The following UBE2Q2 variants were observed in gnomAD, a reference collection of about 807,000 sequenced individuals.
UBE2Q2 encodes ubiquitin-conjugating enzyme E2 Q2.
UBE2Q2 carries 54 observed loss-of-function variants against 59.9 expected under a neutral mutation model. The ratio of observed to expected loss-of-function variants is 0.90; its 90% CI spans 0.72 to 1.13. UBE2Q2 has a LOEUF of 1.13. UBE2Q2 is among the 50% of genes most tolerant of loss of function. The pLI is 0.00. For synonymous variants in UBE2Q2, 165 were observed against 155.2 expected, an observed-to-expected ratio of 1.06 and a Z score of -0.47; for missense variants, 433 against 441.9, an observed-to-expected ratio of 0.98 and a Z score of 0.18.
At position 75,873,515 on chromosome 15, in the gene UBE2Q2, A is replaced by T; in HGVS notation, c.535A>T (p.Asn179Tyr). 6.2e-7 allele frequency: 1 copy of T among 1,613,994 alleles called. No homozygotes were observed. The highest frequency in any genetic ancestry group is 8.5e-7 in the Non-Finnish European group (1 of 1,179,938). The change falls in exon 5 of 13, where the codon AAT becomes TAT. Residue 179 changes from asparagine (N) to tyrosine (Y), a missense_variant. Coordinates refer to ENST00000267938, the MANE Select transcript of UBE2Q2 (RefSeq NM_173469.4). Reference protein sequence around the residue: ...KSEDEGIEKENLAILEKIRKT... With the variant: ...KSEDEGIEKEYLAILEKIRKT... ...AGAGGATGAAGGAATTGAAAAAGAAAATTTGGCAATATTAGAGAAAATTAG... is the reference window on the plus strand; with the variant it reads ...AGAGGATGAAGGAATTGAAAAAGAATATTTGGCAATATTAGAGAAAATTAG...
At chr15:75,892,805 GACCGAGGCTGC>G (rs1359600369) in intron 11 of UBE2Q2, among the ~76,000 whole-genome samples, 1 of 152,214 alleles carries the variant, frequency 6.6e-6, no homozygotes, top group Non-Finnish European at 1.5e-5. Flanking sequence ...GAGCCCAGGA[GACCGAGGCTGC>G]ACTGAGGCAT....
intron 9 of UBE2Q2, 52 bp downstream of exon 9, chr15:75,883,476 T>TATACATATACACACACACACGTA: frequency 6.7e-7 from 1 of 1,493,494 alleles, no homozygotes; most frequent in Non-Finnish European, 9.2e-7. Flanking sequence ...AAAAAAAATT[T>TATACATATACACACACACACGTA]TTTTTTATAG....
At chr15:75,860,270 C>T (rs1244428346) in intron 3 of UBE2Q2, among the ~76,000 whole-genome samples, 2 of 152,016 alleles carry the variant, frequency 1.3e-5, no homozygotes, top group African/African-American at 4.8e-5. Context: ...CATAGTTTGT[C>T]TTTGGTTATT....
At chr15:75,887,134 A>C (rs1186788567) in intron 9 of UBE2Q2, among the ~76,000 whole-genome samples, 1 of 152,210 alleles carries the variant, frequency 6.6e-6, no homozygotes, top group African/African-American at 2.4e-5. Flanking sequence ...ACCTACTCAA[A>C]TAAATCTTCT....
intron 11 of UBE2Q2, chr15:75,895,185 C>CAA: frequency 6.9e-6 from 1 of 144,854 alleles, no homozygotes; most frequent in East Asian, 2.1e-4. Context: ...GACTCCGTCT[C>CAA]AAAAAAAAAA....
chr15:75,895,905 AC>A, intron 11 of UBE2Q2, among the ~76,000 whole-genome samples: 1 of 152,220 alleles, frequency 6.6e-6, no homozygotes, highest in East Asian at 1.9e-4. Context: ...CAGCAGATAT[AC>A]GTACAAGGTT....
In UBE2Q2 at chr15:75,890,493, C is replaced by G. The variant is rs1251617254; in HGVS notation, c.933+10C>G. 1 of 1,607,162 alleles carries G rather than the reference C, an allele frequency of 6.2e-7. No homozygotes were observed. Among genetic ancestry groups the G allele is most frequent in the African/African-American group, 1.3e-5 (1 of 74,624 alleles). On this transcript the variant is annotated intron_variant, in intron 10 of 12. Coordinates refer to ENST00000267938, the MANE Select transcript of UBE2Q2 (RefSeq NM_173469.4). ...ACTTCTCACAAAACAGGTGACTTTT[C>G]TTACGATACTCCATTTTCACCCACA...
intron 2 of UBE2Q2, among the ~76,000 whole-genome samples, chr15:75,857,269 T>C (rs1896966908): frequency 1.3e-5 from 2 of 152,172 alleles, no homozygotes; most frequent in African/African-American, 4.8e-5. Context: ...TACCTCCTTT[T>C]AGGAAGTTGC....
At chr15:75,871,652 G>A (rs1897801264) in intron 4 of UBE2Q2, among the ~76,000 whole-genome samples, 1 of 152,232 alleles carries the variant, frequency 6.6e-6, no homozygotes, top group African/African-American at 2.4e-5. Flanking sequence ...TTAACCCTGA[G>A]TTTGACACAG....
At chr15:75,877,723 A>T (rs1898164872) in intron 6 of UBE2Q2, among the ~76,000 whole-genome samples, 1 of 152,232 alleles carries the variant, frequency 6.6e-6, no homozygotes, top group African/African-American at 2.4e-5. Context: ...CAGTCAGACT[A>T]AACGGTAAGC....
At chr15:75,887,120 T>G (rs750799242) in intron 9 of UBE2Q2, among the ~76,000 whole-genome samples, 9 of 152,192 alleles carry the variant, frequency 5.9e-5, no homozygotes, top group Non-Finnish European at 7.3e-5. Context: ...TAAGTCAGCT[T>G]GTGACCTACT....
intron 11 of UBE2Q2, among the ~76,000 whole-genome samples, chr15:75,895,815 G>A (rs887336248): frequency 6.6e-6 from 1 of 152,044 alleles, no homozygotes; most frequent in Admixed American, 6.6e-5. Context: ...TATGTAGAGG[G>A]CAATTTAGCA....
intron 3 of UBE2Q2, among the ~76,000 whole-genome samples, chr15:75,864,579 C>T (rs1897360409): frequency 6.7e-6 from 1 of 148,322 alleles, no homozygotes; most frequent in Admixed American, 6.8e-5. Flanking sequence ...AGATTTTCCA[C>T]TTCTTCAGTT....
At chr15:75,889,890 G>A (rs1206187663) in intron 9 of UBE2Q2, among the ~76,000 whole-genome samples, 1 of 152,220 alleles carries the variant, frequency 6.6e-6, no homozygotes, top group African/African-American at 2.4e-5. Context: ...TCAGAGAATA[G>A]TCTTCAGGCC....
chr15:75,872,681 CTTTTTCTAACTT>C (rs1243340676), intron 4 of UBE2Q2, among the ~76,000 whole-genome samples: 1 of 151,656 alleles, frequency 6.6e-6, no homozygotes, highest in Non-Finnish European at 1.5e-5. Context: ...AGATAAAATT[CTTTTTCTAACTT>C]TTTTTCTAGT....
intron 8 of UBE2Q2, among the ~76,000 whole-genome samples, chr15:75,880,287 A>G (rs1301021725): frequency 1.3e-5 from 2 of 151,484 alleles, no homozygotes; most frequent in African/African-American, 2.4e-5. Context: ...TAATTTTTTT[A>G]TTTTTAGTAG....
At chr15:75,891,129 T>G (rs1899076377) in intron 11 of UBE2Q2, 115 bp downstream of exon 11, 1 of 798,500 alleles carries the variant, frequency 1.3e-6, no homozygotes, top group African/African-American at 1.7e-5. Context: ...TCATTTGGTT[T>G]GTTTTCTTCT....
In UBE2Q2 at chr15:75,900,304, C is replaced by T. The variant is rs1399238608; in HGVS notation, c.*846C>T. 1 of 152,362 alleles carries T rather than the reference C, an allele frequency of 6.6e-6. No individual in the cohort carries two copies. The highest frequency in any genetic ancestry group is 1.5e-5 in the Non-Finnish European group (1 of 68,026). The allele number at this position is 152,362 out of a possible 1,614,324, so 9.4% of individuals were successfully genotyped here. On this transcript the variant is annotated 3_prime_UTR_variant, in exon 13 of 13. Transcript: ENST00000267938. ...TTATAAAGTGATTGGCACAAAGACT[C>T]CTTGAGCAAAAGCTGTGCAGTTAAG...
At position 75,873,449 on chromosome 15, in the gene UBE2Q2, T is replaced by C. The variant is rs754381683; in HGVS notation, c.469T>C (p.Tyr157His). The C allele has an allele frequency of 6.2e-7, 1 of 1,612,554 alleles. No homozygotes were observed. The highest frequency in any genetic ancestry group is 8.5e-7 in the Non-Finnish European group (1 of 1,179,784). The change falls in exon 5 of 13, where the codon TAT becomes CAT. Residue 157 changes from tyrosine to histidine, a missense_variant. Transcript: ENST00000267938. ...MAEDIEDLDHYEMKEEEPISG... is the reference protein window; with the variant it reads ...MAEDIEDLDHHEMKEEEPISG... Reference sequence around the variant, plus strand: ...GTAGGATATAGAAGACTTAGATCACTATGAGATGAAGGAAGAAGAGCCTAT... The same window carrying C: ...GTAGGATATAGAAGACTTAGATCACCATGAGATGAAGGAAGAAGAGCCTAT...
Sources: gnomAD v4.1 joint callset for allele counts (sites outside exome capture counted in the v4.1 genomes callset) on GRCh38, gnomAD v4.1.1 for gene constraint, MANE v1.5 for transcripts, NCBI Gene and HGNC (gene_info 2026-07-23, HGNC 2026-07-21) for gene names.